Variants in DNAH7 observed in about 807,000 individuals in gnomAD.
DNAH7 encodes axonemal beta dynein heavy chain 7.
A neutral mutation model predicts 444.6 loss-of-function variants in DNAH7; 397 were observed. That is an observed-to-expected ratio of 0.89 (90% CI 0.82 to 0.97). DNAH7 has a LOEUF of 0.97. DNAH7 is among the 50% of genes least tolerant of loss of function. The probability of loss-of-function intolerance (pLI) is 0.00; values close to 1 mark genes in which losing one functional copy is unlikely to be tolerated. For synonymous variants in DNAH7, 1,636 were observed against 1,624.4 expected (o/e 1.01, Z -0.17); for missense variants, 4,902 against 4,800.8 (o/e 1.02, Z -0.62).
chr2:195,805,753 C>T (rs971039515), intron 54 of DNAH7, among the ~76,000 whole-genome samples: 1 of 152,136 alleles, frequency 6.6e-6, no homozygotes, highest in Non-Finnish European at 1.5e-5. Flanking sequence ...TATTCTGGTT[C>T]CCAAGCACTG....
intron 15 of DNAH7, among the ~76,000 whole-genome samples, chr2:195,978,963 T>C (rs993048527): frequency 6.6e-6 from 1 of 152,076 alleles, no homozygotes; most frequent in Non-Finnish European, 1.5e-5. Flanking sequence ...TAGACCTCAA[T>C]ACAATAATAA....
chr2:196,025,365 T>C (rs906885930), intron 7 of DNAH7, among the ~76,000 whole-genome samples: 1 of 152,160 alleles, frequency 6.6e-6, no homozygotes, highest in Non-Finnish European at 1.5e-5. Flanking sequence ...AATATGCAAA[T>C]CATATGTATT....
intron 19 of DNAH7, among the ~76,000 whole-genome samples, chr2:195,943,640 T>C (rs1181299803): frequency 6.6e-6 from 1 of 152,182 alleles, no homozygotes; most frequent in Non-Finnish European, 1.5e-5. Flanking sequence ...TCTCCGATAG[T>C]AATTCCTTCC....
chr2:195,981,412 C>G (rs186931483), intron 15 of DNAH7, among the ~76,000 whole-genome samples: 2 of 151,698 alleles, frequency 1.3e-5, no homozygotes, highest in Non-Finnish European at 2.9e-5. Flanking sequence ...CCATACTACC[C>G]CAAAAAGCAA....
intron 19 of DNAH7, among the ~76,000 whole-genome samples, chr2:195,943,577 T>C (rs1302276852): frequency 1.3e-5 from 2 of 152,162 alleles, no homozygotes; most frequent in African/African-American, 4.8e-5. Context: ...AGCATTATGT[T>C]AATTTCTGCT....
chr2:195,849,518 T>C (rs1236059110), intron 46 of DNAH7, among the ~76,000 whole-genome samples: 1 of 152,198 alleles, frequency 6.6e-6, no homozygotes, highest in African/African-American at 2.4e-5. Flanking sequence ...CAGATGGTAT[T>C]GCTACGTAGG....
At chr2:195,817,172 T>C (rs1253190131) in intron 50 of DNAH7, among the ~76,000 whole-genome samples, 1 of 152,198 alleles carries the variant, frequency 6.6e-6, no homozygotes, top group Non-Finnish European at 1.5e-5. Context: ...CCCTTTTTAA[T>C]GATCATTTAT....
At chr2:195,892,411 T>C (rs963882297) in intron 30 of DNAH7, 2 of 151,892 alleles carry the variant, frequency 1.3e-5, no homozygotes, top group Admixed American at 6.6e-5. Context: ...AAATTGTCAA[T>C]TTTACCCAAA....
intron 19 of DNAH7, among the ~76,000 whole-genome samples, chr2:195,939,832 A>G (rs1307003963): frequency 6.6e-6 from 1 of 151,820 alleles, no homozygotes; most frequent in East Asian, 1.9e-4. Context: ...AGGAAGTTTC[A>G]TAGAAAATAC....
chr2:195,794,631 A>T (rs574948198), intron 56 of DNAH7, 93 bp from the exon 57 acceptor site: 6 of 1,189,988 alleles, frequency 5.0e-6, no homozygotes, highest in African/African-American at 4.6e-5. Flanking sequence ...AAGGGGGAGG[A>T]AGTATTTTTA....
At chr2:196,048,077 A>G (rs1347176523) in intron 4 of DNAH7, among the ~76,000 whole-genome samples, 3 of 152,204 alleles carry the variant, frequency 2.0e-5, no homozygotes, top group East Asian at 3.8e-4. Context: ...CAACAACCCA[A>G]TTCCTAAAAT....
rs1551839 is a variant in DNAH7, at chr2:195,868,780, G to A, written c.6633+3470C>T. ...ATTTAACAAGCAAACCAGGTGATAC[G>A]TGCATTAACTAATGTCTCAGAGCCA... On this transcript the variant is annotated intron_variant, in intron 40 of 64. Coordinates refer to ENST00000312428, the MANE Select transcript of DNAH7 (RefSeq NM_018897.3). Among the ~76,000 whole-genome samples, 2,904 of 150,578 alleles carry A rather than the reference G, an allele frequency of 0.019. 244 individuals carry two copies. The East Asian group carries it at 0.27, about 14-fold the overall frequency.
intron 61 of DNAH7, among the ~76,000 whole-genome samples, chr2:195,760,988 TAAAC>T (rs1264814323): frequency 6.6e-6 from 1 of 151,072 alleles, no homozygotes; most frequent in Admixed American, 6.6e-5. Flanking sequence ...CCTTACCAAA[TAAAC>T]TAAGGCACCA....
intron 46 of DNAH7, among the ~76,000 whole-genome samples, chr2:195,845,621 A>G (rs1261313033): frequency 1.3e-5 from 2 of 152,234 alleles, no homozygotes; most frequent in African/African-American, 4.8e-5. Flanking sequence ...ACTATACTAC[A>G]AGGCTCCAAT....
intron 61 of DNAH7, among the ~76,000 whole-genome samples, chr2:195,766,281 C>T (rs1301692972): frequency 2.0e-5 from 3 of 150,052 alleles, no homozygotes; most frequent in South Asian, 2.1e-4. Flanking sequence ...TCAAGCGATC[C>T]GCCTGCCTCA....
intron 40 of DNAH7, among the ~76,000 whole-genome samples, chr2:195,869,500 G>A (rs1169993370): frequency 1.3e-5 from 2 of 152,034 alleles, no homozygotes; most frequent in Non-Finnish European, 2.9e-5. Context: ...GTTGGACGTT[G>A]GAAAATATTA....
chr2:195,906,598 T>C, intron 27 of DNAH7, 61 bp downstream of exon 27: 2 of 1,533,762 alleles, frequency 1.3e-6, no homozygotes, highest in Non-Finnish European at 1.8e-6. Context: ...CCAGCTCTTT[T>C]CATATATTAA....
chr2:195,924,180 A>G (rs1688194745), intron 22 of DNAH7, among the ~76,000 whole-genome samples: 1 of 152,168 alleles, frequency 6.6e-6, no homozygotes. Context: ...ATAGATTGAG[A>G]GAAAAAGTAC....
chr2:195,798,161 A>G (rs958411527), intron 55 of DNAH7, among the ~76,000 whole-genome samples: 2 of 151,950 alleles, frequency 1.3e-5, no homozygotes, highest in Admixed American at 1.3e-4. Context: ...TTTTTGGCCT[A>G]GTAAATTTTT....
Sources: gnomAD v4.1 joint callset for allele counts (sites outside exome capture counted in the v4.1 genomes callset) on GRCh38, gnomAD v4.1.1 for gene constraint, MANE v1.5 for transcripts, NCBI Gene and HGNC (gene_info 2026-07-23, HGNC 2026-07-21) for gene names.